The following GPC5 variants were observed in gnomAD, a reference collection of about 807,000 sequenced individuals.
GPC5 encodes the protein glypican 5.
Under a neutral mutation model 53.9 loss-of-function variants are expected in GPC5, and 47 were observed. The observed-to-expected ratio is 0.87, with a 90% CI of 0.69 to 1.11. The LOEUF (loss-of-function observed/expected upper bound fraction) is 1.11, where lower values mean the gene tolerates loss of function less well. Among genes scored for constraint, GPC5 ranks in the 50% most tolerant of loss-of-function variants. The probability of loss-of-function intolerance (pLI) is 0.00; values close to 1 mark genes in which losing one functional copy is unlikely to be tolerated. For missense variants in GPC5, 748 were observed against 713.1 expected (o/e 1.05, Z -0.56); for synonymous variants, 286 against 263.3 (o/e 1.09, Z -0.84).
intron 2 of GPC5, among the ~76,000 whole-genome samples, chr13:91,498,702 G>T (rs980591967): frequency 1.3e-5 from 2 of 152,176 alleles, no homozygotes; most frequent in Non-Finnish European, 2.9e-5. Flanking sequence ...AGGGGAGCCA[G>T]TTAGAAAGCT....
intron 7 of GPC5, among the ~76,000 whole-genome samples, chr13:92,175,927 G>A: frequency 6.6e-6 from 1 of 152,266 alleles, no homozygotes; most frequent in Admixed American, 6.5e-5. Flanking sequence ...AATCCTGGAA[G>A]CTCTGTTCCT....
chr13:91,513,595 G>A (rs1885346797), intron 2 of GPC5, among the ~76,000 whole-genome samples: 2 of 152,046 alleles, frequency 1.3e-5, no homozygotes, highest in Admixed American at 1.3e-4. Flanking sequence ...ACAAAAATTA[G>A]CCAGGCGTGA....
At chr13:92,577,138 T>C (rs889634632) in intron 7 of GPC5, among the ~76,000 whole-genome samples, 13 of 152,090 alleles carry the variant, frequency 8.5e-5, no homozygotes, top group African/African-American at 3.1e-4. Context: ...GTCATGTGGG[T>C]ATATTATATT....
chr13:92,295,911 C>T (rs956741006), intron 7 of GPC5, among the ~76,000 whole-genome samples: 1 of 152,142 alleles, frequency 6.6e-6, no homozygotes, highest in Non-Finnish European at 1.5e-5. Flanking sequence ...ACTCGTTCTG[C>T]AATTCTGTAT....
chr13:92,094,374 G>A (rs575895020), intron 6 of GPC5, among the ~76,000 whole-genome samples: 1 of 151,898 alleles, frequency 6.6e-6, no homozygotes, highest in East Asian at 1.9e-4. Flanking sequence ...AACAAAATTA[G>A]CCAGGTGTGG....
At position 92,571,317 on chromosome 13, in the gene GPC5, C is replaced by G. The variant is rs146018523; in HGVS notation, c.1562-294965C>G. Among the ~76,000 whole-genome samples the G allele has an allele frequency of 2.9e-3, 435 of 152,246 alleles. 2 individuals are homozygous for G. The highest frequency in any genetic ancestry group is 0.01 in the African/African-American group (421 of 41,544). On this transcript the variant is annotated intron_variant, in intron 7 of 7. Transcript: ENST00000377067. ...CAACTCTGTGCATTTCATAACAGAGCAAGTTGAGGCTTACGACTTGGGGTT... is the reference window on the plus strand; with the variant it reads ...CAACTCTGTGCATTTCATAACAGAGGAAGTTGAGGCTTACGACTTGGGGTT...
intron 6 of GPC5, among the ~76,000 whole-genome samples, chr13:92,087,693 C>T (rs1048417406): frequency 6.6e-6 from 1 of 152,034 alleles, no homozygotes; most frequent in African/African-American, 2.4e-5. Flanking sequence ...TAGCTCATAC[C>T]TTTCATTATA....
chr13:92,484,503 T>C (rs1173637357), intron 7 of GPC5: 4 of 152,092 alleles, frequency 2.6e-5, no homozygotes, highest in African/African-American at 9.7e-5. Context: ...GCTCAGTAGG[T>C]TTGTCTACAT....
chr13:92,349,935 A>C (rs2043461608), intron 7 of GPC5, among the ~76,000 whole-genome samples: 1 of 152,176 alleles, frequency 6.6e-6, no homozygotes, highest in Admixed American at 6.5e-5. Flanking sequence ...TTACAAGAAA[A>C]TAAAACTACA....
At chr13:91,785,974 C>A (rs1458407843) in intron 5 of GPC5, among the ~76,000 whole-genome samples, 2 of 152,166 alleles carry the variant, frequency 1.3e-5, no homozygotes, top group African/African-American at 4.8e-5. Flanking sequence ...AGGTCTGTCA[C>A]TCTCTACTAC....
intron 5 of GPC5, among the ~76,000 whole-genome samples, chr13:91,867,479 A>G (rs1199181928): frequency 6.6e-6 from 1 of 152,224 alleles, no homozygotes; most frequent in Non-Finnish European, 1.5e-5. Context: ...AATCATGGAC[A>G]TTAAAAGGAA....
At chr13:92,713,363 C>T (rs576979812) in intron 7 of GPC5, among the ~76,000 whole-genome samples, 4 of 148,800 alleles carry the variant, frequency 2.7e-5, no homozygotes, top group South Asian at 2.1e-4. Context: ...GAGGCTGAGG[C>T]GGGTGGATCA....
chr13:92,499,173 A>C (rs1347221996), intron 7 of GPC5, among the ~76,000 whole-genome samples: 3 of 152,140 alleles, frequency 2.0e-5, no homozygotes, highest in Admixed American at 2.0e-4. Context: ...CCCTTTTATA[A>C]GTGAAGAATA....
At position 92,223,978 on chromosome 13, in the gene GPC5, G is replaced by A. The variant is rs142874286; in HGVS notation, c.1561+78989G>A. Among the ~76,000 whole-genome samples, 1,120 of 151,992 alleles carry A rather than the reference G, an allele frequency of 7.4e-3. 18 individuals carry two copies. Among genetic ancestry groups the A allele is most frequent in the African/African-American group, 0.026 (1,074 of 41,452 alleles). On this transcript the variant is annotated intron_variant, in intron 7 of 7. Transcript: ENST00000377067. The stretch of plus-strand genomic sequence containing the variant: ...AAATGTATTAGTGAAGCAATTTATG[G>A]CATGTTGAAAAAATAAGCATCTAGT...
intron 6 of GPC5, among the ~76,000 whole-genome samples, chr13:92,138,210 C>T (rs1424915951): frequency 6.6e-6 from 1 of 152,082 alleles, no homozygotes; most frequent in East Asian, 1.9e-4. Context: ...GATTGATATT[C>T]ATGTGTCACT....
intron 2 of GPC5, among the ~76,000 whole-genome samples, chr13:91,686,499 A>G (rs1014649165): frequency 3.9e-5 from 6 of 152,016 alleles, no homozygotes; most frequent in African/African-American, 1.4e-4. Context: ...CTTTTTGGAA[A>G]AAAATTAGGA....
intron 7 of GPC5, among the ~76,000 whole-genome samples, chr13:92,785,237 C>T (rs1876179911): frequency 6.6e-6 from 1 of 152,146 alleles, no homozygotes; most frequent in Non-Finnish European, 1.5e-5. Context: ...GATCAGGCCC[C>T]TTCACTCCAG....
chr13:91,891,374 C>T (rs561328209), intron 5 of GPC5, among the ~76,000 whole-genome samples: 3 of 152,234 alleles, frequency 2.0e-5, no homozygotes, highest in Admixed American at 2.0e-4. Context: ...GGCTGGGAAC[C>T]TTTGAAGGCA....
intron 5 of GPC5, among the ~76,000 whole-genome samples, chr13:91,828,884 A>C (rs1468047079): frequency 1.3e-5 from 2 of 152,098 alleles, no homozygotes; most frequent in Non-Finnish European, 2.9e-5. Flanking sequence ...AAGTCACTAA[A>C]TTGTAGGTAT....
Sources: allele counts gnomAD v4.1 joint callset (sites outside exome capture counted in the v4.1 genomes callset), GRCh38; gene constraint gnomAD v4.1.1; transcripts MANE v1.5; gene names NCBI Gene and HGNC (gene_info 2026-07-23, HGNC 2026-07-21).